The following RBMX variants were observed in gnomAD, a reference collection of about 807,000 sequenced individuals.
RBMX encodes RNA binding motif protein X-linked.
RBMX carries 1 observed loss-of-function variant against 29.3 expected under a neutral mutation model. The observed-to-expected ratio is 0.03, with a 90% CI of 0.01 to 0.16. The LOEUF is 0.16. Among genes scored for constraint, RBMX ranks in the 10% least tolerant of loss-of-function variants. RBMX has a pLI of 1.00. For synonymous variants in RBMX, 102 were observed against 102.3 expected (o/e 1.00, Z 0.02); for missense variants, 121 against 333.2 (o/e 0.36, Z 4.96).
chrX:136,871,843 TGA>T (rs1465635875), downstream of RBMX, among the ~76,000 whole-genome samples: 9 of 95,904 alleles, frequency 9.4e-5, no homozygotes, highest in Non-Finnish European at 1.5e-4. Flanking sequence ...CTAGTACAGA[TGA>T]GGTTTCACCA....
intron 5 of RBMX, 55 bp downstream of exon 5, chrX:136,876,446 CCT>C: frequency 1.8e-6 from 2 of 1,093,000 alleles, no homozygotes; most frequent in Non-Finnish European, 2.4e-6. Flanking sequence ...GCATCATTCA[CCT>C]CTCAATTCTT....
At chrX:136,876,111 AGTTTTTTTTTTTT>A (rs780946329) in intron 5 of RBMX, among the ~76,000 whole-genome samples, 5 of 100,336 alleles carry the variant, frequency 5.0e-5, no homozygotes, top group Non-Finnish European at 8.0e-5. Context: ...CCATGAATAA[AGTTTTTTTTTTTT>A]GTTTTTTTTT....
chrX:136,869,312 TTC>T (rs1031543188), downstream of RBMX: 1 of 112,530 alleles, frequency 8.9e-6, no homozygotes, highest in Non-Finnish European at 1.9e-5. Flanking sequence ...TTCTGTATCA[TTC>T]TGTTTTACAA....
intron 3 of RBMX, among the ~76,000 whole-genome samples, chrX:136,878,456 C>A (rs1241738556): frequency 9.1e-6 from 1 of 110,384 alleles, no homozygotes; most frequent in Non-Finnish European, 1.9e-5. Flanking sequence ...ATCATGTTGG[C>A]TGGGCGCAGT....
chrX:136,872,457 C>CTT, downstream of RBMX: 1 of 628,200 alleles, frequency 1.6e-6, no homozygotes, highest in Non-Finnish European at 2.5e-6. Context: ...AGACTTGCAG[C>CTT]TTAATATATT....
rs2077730006 is a variant in RBMX, at chrX:136,876,406, G to A, written c.541+97C>T. The A allele has an allele frequency of 4.1e-6, 4 of 966,022 alleles. No individual in the cohort carries two copies. The South Asian group carries it at 1.1e-4, about 27-fold the overall frequency. 79.6% of individuals were successfully genotyped at this position (966,022 alleles called of 1,213,427 possible). On this transcript the variant is annotated intron_variant, in intron 5 of 8. Coordinates refer to ENST00000320676, the MANE Select transcript of RBMX (RefSeq NM_002139.4). ...CAAAGTGCTAGGATTACGGGCGTGA[G>A]CCACCACGCCTGGCCAATTAAAATT...
downstream of RBMX, chrX:136,870,398 C>G (rs1303181572): frequency 8.8e-6 from 1 of 113,673 alleles, no homozygotes; most frequent in Non-Finnish European, 1.9e-5. Flanking sequence ...GACAATCAGC[C>G]GCCTTCTGCT....
intron 4 of RBMX, among the ~76,000 whole-genome samples, chrX:136,877,370 T>C (rs2077744018): frequency 1.1e-5 from 1 of 91,077 alleles, no homozygotes; most frequent in Non-Finnish European, 2.1e-5. Flanking sequence ...ATTTGGGTAG[T>C]CTAGTTTCAC....
At chrX:136,872,986 C>T (rs2077693685), downstream of RBMX, 1 of 109,252 alleles carries the variant, frequency 9.2e-6, no homozygotes, top group Non-Finnish European at 1.9e-5. Flanking sequence ...CCCTCCCAAG[C>T]CCCAGATCGC....
chrX:136,874,625 T>G, intron 8 of RBMX, 173 bp from the exon 9 acceptor site: 3 of 547,147 alleles, frequency 5.5e-6, no homozygotes, highest in Non-Finnish European at 8.6e-6. Context: ...TGCTGAGATA[T>G]GGAATTGGAT....
chrX:136,874,586 T>C lies in RBMX; in HGVS notation c.866-134A>G, dbSNP rs2077709604. The C allele has an allele frequency of 3.9e-6, 3 of 773,850 alleles. No homozygotes were observed. The East Asian group carries it at 1.0e-4, about 27-fold the overall frequency. 63.8% of individuals were successfully genotyped at this position (773,850 alleles called of 1,213,427 possible). A position where few individuals can be genotyped will look rare whatever the true frequency, so the allele number is the denominator to read the frequency against. Reference sequence around the variant, plus strand: ...GGGTGGGAGGTTTTAAACTCTGCCATTGCTGGCCATAACAGGGATTTGCTC... The same window carrying C: ...GGGTGGGAGGTTTTAAACTCTGCCACTGCTGGCCATAACAGGGATTTGCTC... On this transcript the variant is annotated intron_variant, in intron 8 of 8. Coordinates refer to ENST00000320676, the MANE Select transcript of RBMX (RefSeq NM_002139.4).
downstream of RBMX, chrX:136,872,427 C>A: frequency 1.1e-6 from 1 of 886,860 alleles, no homozygotes; most frequent in Admixed American, 2.7e-5. Flanking sequence ...CCCTCTTTTC[C>A]AGAAAGAAAA....
chrX:136,871,398 C>T (rs189492208), downstream of RBMX, among the ~76,000 whole-genome samples: 3 of 97,260 alleles, frequency 3.1e-5, no homozygotes, highest in Admixed American at 3.4e-4. Context: ...GAGCCGAGAT[C>T]GCGCCACTGC....
rs2077696431 is a variant in RBMX, at chrX:136,873,467, T to C, written c.*675A>G. On this transcript the variant is annotated 3_prime_UTR_variant, in exon 9 of 9. Coordinates refer to ENST00000320676, the MANE Select transcript of RBMX (RefSeq NM_002139.4). ...CACCTTTGCAGCTTCATGGTTGGTTTTGGCCAAACTTTTTATTTAGTATTC... is the reference window on the plus strand; with the variant it reads ...CACCTTTGCAGCTTCATGGTTGGTTCTGGCCAAACTTTTTATTTAGTATTC... The C allele has an allele frequency of 1.3e-6, 1 of 754,554 alleles. No homozygotes were observed. The allele number at this position is 754,554 out of a possible 1,213,427, so 62.2% of individuals were successfully genotyped here.
At position 136,879,141 on chromosome X, in the gene RBMX, G is replaced by A. The variant is rs370152173; in HGVS notation, c.110-18C>T. The A allele has an allele frequency of 3.6e-5, 43 of 1,209,357 alleles. No individual in the cohort carries two copies. The highest frequency in any genetic ancestry group is 4.5e-5 in the Non-Finnish European group (40 of 894,490). On this transcript the variant is annotated intron_variant, in intron 2 of 8. Transcript: ENST00000320676. ...CAAGAGTACTAAAAAGTAGTTTTCA[G>A]AAAAATAAAGTGTTACCCTAGGTCA...
chrX:136,878,010 G>A lies in RBMX; in HGVS notation c.293C>T (p.Pro98Leu). The change falls in exon 4 of 9, where the codon CCA becomes CTA. Residue 98 changes from proline to leucine, a missense_variant. By Grantham distance (98) the Pro-to-Leu change is moderately conservative. Around this residue, in one of 2 missense-constraint regions of RBMX, gnomAD observed 114 missense variants for 260.0 expected, o/e 0.44. Coordinates refer to ENST00000320676, the MANE Select transcript of RBMX (RefSeq NM_002139.4). ...TGGAGGGCCTCTACTTCTTGGAGGT[G>A]GAGGCGGTCCACGTCTACCACTTTC... Reference protein sequence around the residue: ...SFESGRRGPPPPPRSRGPPRG... With the variant: ...SFESGRRGPPLPPRSRGPPRG... 1 of 1,210,370 alleles carries A rather than the reference G, an allele frequency of 8.3e-7. No homozygotes were observed. Among genetic ancestry groups the A allele is most frequent in the Non-Finnish European group, 1.1e-6 (1 of 894,487 alleles).
chrX:136,877,820 C>A, intron 4 of RBMX, 95 bp downstream of exon 4: 1 of 886,350 alleles, frequency 1.1e-6, no homozygotes, highest in Non-Finnish European at 1.5e-6. Flanking sequence ...CAAAAGTTGG[C>A]ACCTTTCCTC....
downstream of RBMX, chrX:136,872,307 A>G (rs1227621569): frequency 1.7e-6 from 2 of 1,166,768 alleles, no homozygotes; most frequent in Middle Eastern, 2.3e-4. Context: ...ACTGTGAATC[A>G]ATCAGCACTC....
At chrX:136,878,151 C>A in intron 3 of RBMX, 65 bp from the exon 4 acceptor site, 1 of 941,381 alleles carries the variant, frequency 1.1e-6, no homozygotes, top group South Asian at 3.0e-5. Context: ...CTACTATGCA[C>A]TAAGACACTA....
Sources: gnomAD v4.1 joint callset for allele counts (sites outside exome capture counted in the v4.1 genomes callset) on GRCh38, gnomAD v4.1.1 for gene constraint, gnomAD v4.1.1 regional missense constraint, MANE v1.5 for transcripts, NCBI Gene and HGNC (gene_info 2026-07-23, HGNC 2026-07-21) for gene names.